Variants in MCPH1 observed in about 807,000 individuals in gnomAD.
MCPH1 encodes microcephalin 1.
MCPH1 carries 104 observed loss-of-function variants against 84.5 expected under a neutral mutation model. The ratio of observed to expected loss-of-function variants is 1.23; its 90% CI spans 1.05 to 1.45. The LOEUF is 1.45. Among genes scored for constraint, MCPH1 ranks in the 40% most tolerant of loss-of-function variants. The pLI is 0.00. For synonymous variants in MCPH1, 514 were observed against 366.8 expected (o/e 1.40, Z -4.58); for missense variants, 1,498 against 1,005.7 (o/e 1.49, Z -6.62).
At chr8:6,604,597 C>G (rs1373877805) in intron 12 of MCPH1, among the ~76,000 whole-genome samples, 2 of 152,248 alleles carry the variant, frequency 1.3e-5, no homozygotes, top group Non-Finnish European at 2.9e-5. Context: ...CTCTGCCTTT[C>G]AGGCTCGAGT....
At chr8:6,541,957 G>A (rs1396829876) in intron 12 of MCPH1, among the ~76,000 whole-genome samples, 2 of 150,662 alleles carry the variant, frequency 1.3e-5, no homozygotes, top group African/African-American at 2.5e-5. Context: ...GCAGTGAGCC[G>A]TGATCGTGCC....
intron 12 of MCPH1, among the ~76,000 whole-genome samples, chr8:6,561,526 A>C (rs1263842207): frequency 6.6e-6 from 1 of 152,244 alleles, no homozygotes; most frequent in Non-Finnish European, 1.5e-5. Flanking sequence ...GGTGAAATGA[A>C]AGAGTGAGAA....
intron 3 of MCPH1, among the ~76,000 whole-genome samples, chr8:6,425,239 A>G (rs1800886583): frequency 6.6e-6 from 1 of 152,242 alleles, no homozygotes; most frequent in African/African-American, 2.4e-5. Context: ...AGCAGGTCAA[A>G]TAGTTGGTTC....
intron 11 of MCPH1, among the ~76,000 whole-genome samples, chr8:6,487,637 T>A (rs1810089293): frequency 6.6e-6 from 1 of 152,194 alleles, no homozygotes; most frequent in Admixed American, 6.5e-5. Flanking sequence ...ACACTGACAC[T>A]GAGTTTCTGA....
chr8:6,611,551 G>A (rs952696520), intron 12 of MCPH1, among the ~76,000 whole-genome samples: 3 of 152,236 alleles, frequency 2.0e-5, no homozygotes, highest in African/African-American at 7.2e-5. Context: ...TGCCCTCTCA[G>A]GGGGCATCAC....
intron 12 of MCPH1, chr8:6,563,220 C>T (rs1424215107): frequency 1.1e-5 from 3 of 269,940 alleles, no homozygotes; most frequent in African/African-American, 6.3e-5. Flanking sequence ...CTTTGTTCCT[C>T]TCTCCCCAGA....
At chr8:6,569,218 G>C (rs78948655) in intron 12 of MCPH1, among the ~76,000 whole-genome samples, 1 of 152,100 alleles carries the variant, frequency 6.6e-6, no homozygotes, top group Non-Finnish European at 1.5e-5. Context: ...GCCACAACTG[G>C]CACAACACCT....
intron 3 of MCPH1, among the ~76,000 whole-genome samples, chr8:6,423,666 T>TA (rs1266002657): frequency 6.6e-6 from 1 of 152,236 alleles, no homozygotes; most frequent in Admixed American, 6.5e-5. Context: ...CTGTATGTAT[T>TA]ACCTTTTTGC....
intron 8 of MCPH1, among the ~76,000 whole-genome samples, chr8:6,451,650 T>G (rs1215437401): frequency 6.6e-6 from 1 of 152,232 alleles, no homozygotes; most frequent in Non-Finnish European, 1.5e-5. Context: ...GAGTTTTACT[T>G]GTGTAGAACC....
At chr8:6,525,086 T>C (rs1011233690) in intron 12 of MCPH1, among the ~76,000 whole-genome samples, 6 of 152,354 alleles carry the variant, frequency 3.9e-5, no homozygotes, top group African/African-American at 7.2e-5. Context: ...AATCCACCTT[T>C]TTTTGACAGT....
intron 12 of MCPH1, among the ~76,000 whole-genome samples, chr8:6,557,156 C>T (rs1478030672): frequency 6.6e-6 from 1 of 152,154 alleles, no homozygotes. Flanking sequence ...TTCCCAGCCC[C>T]ACGGAAAATT....
intron 2 of MCPH1, among the ~76,000 whole-genome samples, chr8:6,412,582 A>G (rs1798687883): frequency 6.6e-6 from 1 of 152,246 alleles, no homozygotes; most frequent in Non-Finnish European, 1.5e-5. Context: ...CCCTTAATCT[A>G]GATGCAGCTC....
intron 12 of MCPH1, among the ~76,000 whole-genome samples, chr8:6,614,625 C>G (rs1392654811): frequency 3.3e-5 from 5 of 152,204 alleles, no homozygotes; most frequent in Non-Finnish European, 7.3e-5. Flanking sequence ...TATGAATAAT[C>G]AACGTGACTT....
At chr8:6,435,593 T>C (rs1802525118) in intron 4 of MCPH1, among the ~76,000 whole-genome samples, 1 of 152,174 alleles carries the variant, frequency 6.6e-6, no homozygotes, top group Non-Finnish European at 1.5e-5. Flanking sequence ...TTCCTTGGTC[T>C]AAGTGCTTAG....
chr8:6,450,154 G>C (rs1190654523), intron 8 of MCPH1, among the ~76,000 whole-genome samples: 1 of 152,138 alleles, frequency 6.6e-6, no homozygotes, highest in Admixed American at 6.5e-5. Flanking sequence ...CTTGTTCATC[G>C]ATAATAGTCA....
intron 11 of MCPH1, 118 bp downstream of exon 11, chr8:6,480,994 T>G: frequency 8.3e-7 from 1 of 1,208,634 alleles, no homozygotes; most frequent in Admixed American, 1.8e-5. Context: ...CTGCACACTT[T>G]CCTGTGAGCT....
intron 12 of MCPH1, among the ~76,000 whole-genome samples, chr8:6,584,254 A>G (rs890743939): frequency 6.6e-6 from 1 of 152,212 alleles, no homozygotes; most frequent in African/African-American, 2.4e-5. Flanking sequence ...CCGTAAGTTC[A>G]TCTGGTGCAG....
Position 6,406,635 on chromosome 8 carries a change from C to A in MCPH1, c.-33C>A. ...CGCGCCGCCAGGCTCGCAAGCACCG[C>A]GTAGGCCAGCTGGCCGGATCCCGCC... On this transcript the variant is annotated 5_prime_UTR_variant, in exon 1 of 14. Transcript: ENST00000344683. The A allele has an allele frequency of 6.2e-7, 1 of 1,610,230 alleles. No individual in the cohort carries two copies. The highest frequency in any genetic ancestry group is 8.5e-7 in the Non-Finnish European group (1 of 1,178,978).
intron 12 of MCPH1, among the ~76,000 whole-genome samples, chr8:6,522,530 T>C (rs1449762731): frequency 6.6e-6 from 1 of 152,000 alleles, no homozygotes; most frequent in Admixed American, 6.6e-5. Context: ...TCCCAGCACT[T>C]TGGAAGGCTG....
Sources: gnomAD v4.1 joint callset for allele counts (sites outside exome capture counted in the v4.1 genomes callset) on GRCh38, gnomAD v4.1.1 for gene constraint, MANE v1.5 for transcripts, NCBI Gene and HGNC (gene_info 2026-07-23, HGNC 2026-07-21) for gene names.